Variants in CAMK4 observed in about 807,000 individuals in gnomAD.
CAMK4 encodes the protein calcium/calmodulin dependent protein kinase IV, also known as calcium/calmodulin-dependent protein kinase type IV.
Under a neutral mutation model 44.9 loss-of-function variants are expected in CAMK4, and 22 were observed. That is an observed-to-expected ratio of 0.49 (90% CI 0.35 to 0.70). The LOEUF is 0.70. Ranked by LOEUF, CAMK4 falls within the 30% of genes least tolerant of loss-of-function variation. The probability of loss-of-function intolerance (pLI) is 0.01; values close to 1 mark genes in which losing one functional copy is unlikely to be tolerated. For synonymous variants in CAMK4, 218 were observed against 215.4 expected (o/e 1.01, Z -0.11); for missense variants, 498 against 586.8 (o/e 0.85, Z 1.56).
chr5:111,455,085 A>G (rs1487867571), intron 7 of CAMK4, among the ~76,000 whole-genome samples: 4 of 152,202 alleles, frequency 2.6e-5, no homozygotes, highest in African/African-American at 9.6e-5. Context: ...CCCATGTGCT[A>G]AGCCTCTAAG....
chr5:111,333,412 A>C (rs1275418964), intron 1 of CAMK4, among the ~76,000 whole-genome samples: 1 of 57,064 alleles, frequency 1.8e-5, no homozygotes, highest in Non-Finnish European at 4.9e-5. Flanking sequence ...ATTTTGAAGC[A>C]AACAAAGAGG....
chr5:111,313,567 A>G (rs1174543032), intron 1 of CAMK4, among the ~76,000 whole-genome samples: 2 of 152,062 alleles, frequency 1.3e-5, no homozygotes, highest in African/African-American at 2.4e-5. Context: ...GCTACATGTA[A>G]GCTTTGTGAT....
intron 5 of CAMK4, among the ~76,000 whole-genome samples, chr5:111,399,693 A>G (rs1428040): frequency 0.15 from 22,763 of 152,160 alleles, 3,376 homozygotes; most frequent in African/African-American, 0.38. Context: ...TACTAATTTC[A>G]TAGGAGACAA....
rs531819915 is a variant in CAMK4, at chr5:111,366,762, A to T, written c.241-8088A>T. ...TTTCTCCCCTACCATGGGGACAGAC[A>T]GGAAAATTGGGATTTCTTTCAGTTT... On this transcript the variant is annotated intron_variant, in intron 2 of 10. Coordinates refer to ENST00000282356, the MANE Select transcript of CAMK4 (RefSeq NM_001744.6). 2.2e-4 allele frequency among the ~76,000 whole-genome samples: 34 copies of T among 152,194 alleles called. 1 individual carries two copies. The South Asian group carries it at 5.2e-3, about 23-fold the overall frequency.
intron 1 of CAMK4, among the ~76,000 whole-genome samples, chr5:111,225,739 C>G (rs1428824700): frequency 6.6e-6 from 1 of 152,184 alleles, no homozygotes; most frequent in East Asian, 1.9e-4. Flanking sequence ...GTAATGATCA[C>G]TGCCCACTCT....
At position 111,232,065 on chromosome 5, in the gene CAMK4, G is replaced by A. The variant is rs775059007; in HGVS notation, c.161+7421G>A. On this transcript the variant is annotated intron_variant, in intron 1 of 10. Transcript: ENST00000282356. ...TATTCCTTGTTATTTAATTCCATGC[G>A]TTTGTGCTACCTAAAGTCCTCTTGT... Among the ~76,000 whole-genome samples the A allele has an allele frequency of 8.0e-4, 122 of 152,080 alleles. 1 individual carries two copies. The highest frequency in any genetic ancestry group is 3.9e-4 in the Admixed American group (6 of 15,264).
intron 1 of CAMK4, among the ~76,000 whole-genome samples, chr5:111,311,235 A>G (rs1484265085): frequency 2.0e-5 from 3 of 152,162 alleles, no homozygotes; most frequent in Non-Finnish European, 2.9e-5. Flanking sequence ...AAAAAAAATT[A>G]TAGTTCCTCT....
intron 5 of CAMK4, among the ~76,000 whole-genome samples, chr5:111,400,204 T>C (rs1475359394): frequency 2.6e-5 from 4 of 152,198 alleles, no homozygotes; most frequent in African/African-American, 9.6e-5. Flanking sequence ...AAAGAAGCTT[T>C]ATAAAAATCA....
At chr5:111,406,194 T>TTC (rs10524853) in intron 5 of CAMK4, among the ~76,000 whole-genome samples, 46,378 of 136,402 alleles carry the variant, frequency 0.34, 7,817 homozygotes, top group Admixed American at 0.38. Flanking sequence ...CTAATTTATT[T>TTC]TCTCTCTCTC....
intron 1 of CAMK4, among the ~76,000 whole-genome samples, chr5:111,263,214 A>G (rs2112565739): frequency 6.6e-6 from 1 of 152,312 alleles, no homozygotes; most frequent in African/African-American, 2.4e-5. Flanking sequence ...AGTTTTCCAT[A>G]CCTATTATGT....
At chr5:111,283,534 T>C (rs765624051) in intron 1 of CAMK4, among the ~76,000 whole-genome samples, 22 of 152,224 alleles carry the variant, frequency 1.4e-4, no homozygotes, top group Admixed American at 5.9e-4. Flanking sequence ...AAGCTGCTGA[T>C]AGCCATTGTG....
At chr5:111,288,250 G>C (rs1751315586) in intron 1 of CAMK4, among the ~76,000 whole-genome samples, 1 of 152,126 alleles carries the variant, frequency 6.6e-6, no homozygotes, top group Admixed American at 6.5e-5. Context: ...CATTTTAGCT[G>C]TTACAAATAA....
intron 1 of CAMK4, among the ~76,000 whole-genome samples, chr5:111,323,899 T>C (rs1748766153): frequency 6.6e-6 from 1 of 152,066 alleles, no homozygotes; most frequent in African/African-American, 2.4e-5. Flanking sequence ...AGTCAATTGA[T>C]CGTTTAAAGC....
intron 5 of CAMK4, among the ~76,000 whole-genome samples, chr5:111,395,211 C>CAA (rs1175802762): frequency 2.5e-4 from 23 of 90,580 alleles, no homozygotes; most frequent in East Asian, 6.5e-4. Flanking sequence ...GACCCTGTCT[C>CAA]AAAAAAAAAA....
rs530052868 is a variant in CAMK4, at chr5:111,405,594, A to G, written c.459+10812A>G. Among the ~76,000 whole-genome samples, 18 of 152,346 alleles carry G rather than the reference A, an allele frequency of 1.2e-4. 1 individual carries two copies. Among genetic ancestry groups the G allele is most frequent in the African/African-American group, 4.1e-4 (17 of 41,584 alleles). On this transcript the variant is annotated intron_variant, in intron 5 of 10. Transcript: ENST00000282356. Reference sequence around the variant, plus strand: ...GAACATAATAAAGGTACAAAGGCACAAACTCTGGTCTTTAGTTATTTCTTG... The same window carrying G: ...GAACATAATAAAGGTACAAAGGCACGAACTCTGGTCTTTAGTTATTTCTTG...
Position 111,290,909 on chromosome 5 carries a change from C to T in CAMK4, c.162-53115C>T, listed in dbSNP as rs1747227982. ...TTTGGATTCCATCAAGAAACTTGGG[C>T]TTATATAGTCCAAATCCCATTTAAA... On this transcript the variant is annotated intron_variant, in intron 1 of 10. Transcript: ENST00000282356. This position sits in a 1 kb window ranked among gnomAD's most constrained non-coding sequence, Gnocchi z 4.5. Among the ~76,000 whole-genome samples the T allele has an allele frequency of 6.6e-6, 1 of 152,178 alleles. No individual in the cohort carries two copies. The highest frequency in any genetic ancestry group is 1.5e-5 in the Non-Finnish European group (1 of 68,030).
rs895885659 is a variant in CAMK4 at position 111,490,739 on chromosome 5, T to C, written c.*6273T>C. On this transcript the variant is annotated 3_prime_UTR_variant, in exon 11 of 11. Transcript: ENST00000282356. ...AAATAGCATATTCATAATTTGTAAT[T>C]TTGTTTTTCTTTTTACGGCACCCTT... 1.3e-5 allele frequency: 2 copies of C among 151,278 alleles called. No individual in the cohort carries two copies. The highest frequency in any genetic ancestry group is 4.8e-5 in the African/African-American group (2 of 41,394). 9.4% of individuals were successfully genotyped at this position (151,278 alleles called of 1,614,324 possible).
chr5:111,346,722 C>T (rs987859885), intron 2 of CAMK4, among the ~76,000 whole-genome samples: 40 of 152,016 alleles, frequency 2.6e-4, no homozygotes, highest in Non-Finnish European at 1.3e-4. Context: ...CTTCTGGTGA[C>T]AGCCAGAAAT....
intron 1 of CAMK4, among the ~76,000 whole-genome samples, chr5:111,337,348 G>C (rs11950583): frequency 0.041 from 6,223 of 151,198 alleles, 441 homozygotes; most frequent in African/African-American, 0.14. Context: ...ACATTGTTTT[G>C]ATCTTACTTG....
Sources: gnomAD v4.1 joint callset for allele counts (sites outside exome capture counted in the v4.1 genomes callset) on GRCh38, gnomAD v4.1.1 for gene constraint, Gnocchi (gnomAD v3.1) non-coding constraint, MANE v1.5 for transcripts, NCBI Gene and HGNC (gene_info 2026-07-23, HGNC 2026-07-21) for gene names.